The following BAZ2B variants were observed in gnomAD, a reference collection of about 807,000 sequenced individuals.
BAZ2B encodes bromodomain adjacent to zinc finger domain protein 2B.
A neutral mutation model predicts 246.0 loss-of-function variants in BAZ2B; 91 were observed. The observed-to-expected ratio is 0.37, with a 90% CI of 0.31 to 0.44. BAZ2B has a LOEUF of 0.44. Among genes scored for constraint, BAZ2B ranks in the 20% least tolerant of loss-of-function variants. BAZ2B has a pLI of 1.00. For synonymous variants in BAZ2B, 855 were observed against 860.0 expected (o/e 0.99, Z 0.10); for missense variants, 2,332 against 2,533.7 (o/e 0.92, Z 1.71).
the BAZ2B span, among the ~76,000 whole-genome samples, chr2:159,685,506 A>G: frequency 2.0e-5 from 3 of 152,202 alleles, no homozygotes; most frequent in African/African-American, 7.2e-5. Flanking sequence ...GAACAAAGAA[A>G]CCTTGAAGAA....
At chr2:159,363,661 T>C (rs1051203114) in intron 27 of BAZ2B, among the ~76,000 whole-genome samples, 3 of 152,114 alleles carry the variant, frequency 2.0e-5, no homozygotes, top group African/African-American at 7.2e-5. Context: ...CCAATAAATG[T>C]GATATTGCTC....
the BAZ2B span, among the ~76,000 whole-genome samples, chr2:159,673,162 AT>A: frequency 3.3e-5 from 5 of 152,158 alleles, no homozygotes; most frequent in Non-Finnish European, 7.4e-5. Context: ...TAGATAACCA[AT>A]TAAAAACTCT....
At chr2:159,399,109 C>T (rs976894010) in intron 17 of BAZ2B, 1 of 404,348 alleles carries the variant, frequency 2.5e-6, no homozygotes, top group African/African-American at 2.1e-5. Flanking sequence ...ACAAAAATTT[C>T]TTAGAGTCAT....
At chr2:159,684,573 T>C in the BAZ2B span, among the ~76,000 whole-genome samples, 1 of 152,140 alleles carries the variant, frequency 6.6e-6, no homozygotes, top group Non-Finnish European at 1.5e-5. Flanking sequence ...GCAATCATGG[T>C]CCACTGCAGC....
intron 2 of BAZ2B, among the ~76,000 whole-genome samples, chr2:159,518,642 C>G (rs1452944404): frequency 6.6e-6 from 1 of 152,076 alleles, no homozygotes; most frequent in Non-Finnish European, 1.5e-5. Context: ...CATCTTATTC[C>G]AACATAATTT....
At chr2:159,686,934 C>T in the BAZ2B span, among the ~76,000 whole-genome samples, 14 of 148,550 alleles carry the variant, frequency 9.4e-5, no homozygotes, top group African/African-American at 2.7e-4. Context: ...CCCAGCTCCT[C>T]GGGAGGCTGA....
the BAZ2B span, among the ~76,000 whole-genome samples, chr2:159,707,107 TA>T: frequency 6.6e-6 from 1 of 152,202 alleles, no homozygotes; most frequent in Non-Finnish European, 1.5e-5. Context: ...TGGAGAACCC[TA>T]ATATATAATG....
chr2:159,356,899 A>C (rs2059171540), intron 27 of BAZ2B, among the ~76,000 whole-genome samples: 1 of 152,208 alleles, frequency 6.6e-6, no homozygotes, highest in African/African-American at 2.4e-5. Flanking sequence ...GTTAGAAGGA[A>C]AACTAATGAA....
At chr2:159,577,306 A>G (rs984863688) in intron 1 of BAZ2B, among the ~76,000 whole-genome samples, 2 of 152,232 alleles carry the variant, frequency 1.3e-5, no homozygotes, top group African/African-American at 4.8e-5. Flanking sequence ...CCAGTAGAGT[A>G]TGACCTTATT....
intron 2 of BAZ2B, among the ~76,000 whole-genome samples, chr2:159,509,494 T>A (rs1399654150): frequency 6.6e-6 from 1 of 152,190 alleles, no homozygotes; most frequent in African/African-American, 2.4e-5. Flanking sequence ...TATGGCTTTT[T>A]TCCTCTCTTT....
chr2:159,665,226 T>A, the BAZ2B span, among the ~76,000 whole-genome samples: 1 of 64,556 alleles, frequency 1.5e-5, no homozygotes, highest in African/African-American at 6.6e-5. Flanking sequence ...GGAAGAACAT[T>A]CCATGCTCAT....
intron 6 of BAZ2B, among the ~76,000 whole-genome samples, chr2:159,440,889 A>G (rs2073269379): frequency 6.6e-6 from 1 of 152,138 alleles, no homozygotes; most frequent in Non-Finnish European, 1.5e-5. Context: ...TAAGCAGACT[A>G]ATAGTTCCCA....
At chr2:159,548,040 A>T (rs139852676) in intron 2 of BAZ2B, among the ~76,000 whole-genome samples, 2 of 152,170 alleles carry the variant, frequency 1.3e-5, no homozygotes, top group African/African-American at 4.8e-5. Flanking sequence ...AGGTAAAGAG[A>T]GGGTTTCTTT....
chr2:159,676,647 G>GCACACA, the BAZ2B span, among the ~76,000 whole-genome samples: 29,035 of 132,426 alleles, frequency 0.22, 3,881 homozygotes, highest in South Asian at 0.36. Flanking sequence ...GTATCTAAAT[G>GCACACA]CACACACACA....
At chr2:159,712,115 C>G in the BAZ2B span, 1 of 149,360 alleles carries the variant, frequency 6.7e-6, no homozygotes, top group Non-Finnish European at 1.5e-5. Context: ...AAAAAAAAGC[C>G]AACCAGCTGG....
chr2:159,462,966 G>A (rs1416148152), intron 3 of BAZ2B: 1 of 1,001,898 alleles, frequency 1.0e-6, no homozygotes, highest in Non-Finnish European at 1.6e-6. Context: ...GTGATCAAAT[G>A]TAAAGGAAAT....
chr2:159,468,335 A>C (rs949932736), intron 3 of BAZ2B, among the ~76,000 whole-genome samples: 2 of 152,044 alleles, frequency 1.3e-5, no homozygotes, highest in Non-Finnish European at 1.5e-5. Flanking sequence ...ACAACAACAA[A>C]AACAAAACCC....
intron 2 of BAZ2B, among the ~76,000 whole-genome samples, chr2:159,484,443 C>T (rs1363414464): frequency 1.3e-5 from 2 of 152,156 alleles, no homozygotes; most frequent in Non-Finnish European, 2.9e-5. Flanking sequence ...AATTAACACA[C>T]ATCACAATGC....
downstream of BAZ2B, among the ~76,000 whole-genome samples, chr2:159,316,180 C>T (rs2062091283): frequency 6.6e-6 from 1 of 152,008 alleles, no homozygotes; most frequent in African/African-American, 2.4e-5. Flanking sequence ...AAAAAAGTAA[C>T]ACAGAGGGGC....
Sources: allele counts gnomAD v4.1 joint callset (sites outside exome capture counted in the v4.1 genomes callset), GRCh38; gene constraint gnomAD v4.1.1; transcripts MANE v1.5; gene names NCBI Gene and HGNC (gene_info 2026-07-23, HGNC 2026-07-21).